Variants in UNC5D observed in about 807,000 individuals in gnomAD.
UNC5D encodes netrin receptor UNC5D.
A neutral mutation model predicts 105.4 loss-of-function variants in UNC5D; 39 were observed. The observed-to-expected ratio is 0.37, with a 90% CI of 0.29 to 0.48. The LOEUF is 0.48. Ranked by LOEUF, UNC5D falls within the 20% of genes least tolerant of loss-of-function variation. UNC5D has a pLI of 0.98. For missense variants in UNC5D, 991 were observed against 1,202.4 expected, an observed-to-expected ratio of 0.82 and a Z score of 2.60; for synonymous variants, 452 against 450.4, an observed-to-expected ratio of 1.00 and a Z score of -0.04.
intron 1 of UNC5D, among the ~76,000 whole-genome samples, chr8:35,400,742 C>G (rs926507721): frequency 6.6e-6 from 1 of 152,198 alleles, no homozygotes; most frequent in Admixed American, 6.5e-5. Flanking sequence ...CCACCACATT[C>G]AAAATTGGCC....
intron 1 of UNC5D, among the ~76,000 whole-genome samples, chr8:35,471,251 C>T (rs1227651430): frequency 1.3e-5 from 2 of 152,116 alleles, no homozygotes; most frequent in East Asian, 3.9e-4. Flanking sequence ...CAAGTAGTAA[C>T]TATACCAGGA....
At chr8:35,344,012 G>A (rs1811634874) in intron 1 of UNC5D, among the ~76,000 whole-genome samples, 1 of 152,104 alleles carries the variant, frequency 6.6e-6, no homozygotes, top group Non-Finnish European at 1.5e-5. Context: ...AGAGACTGCT[G>A]TGACTAGTGT....
intron 1 of UNC5D, among the ~76,000 whole-genome samples, chr8:35,431,130 G>A (rs1200675115): frequency 6.6e-6 from 1 of 152,116 alleles, no homozygotes; most frequent in Non-Finnish European, 1.5e-5. Flanking sequence ...GATAAACCAG[G>A]AATCTTTATT....
At chr8:35,468,326 G>GC (rs1384806236) in intron 1 of UNC5D, among the ~76,000 whole-genome samples, 1 of 152,118 alleles carries the variant, frequency 6.6e-6, no homozygotes, top group East Asian at 1.9e-4. Context: ...TTCTCTGTTT[G>GC]CCTGCACTCT....
chr8:35,632,182 T>A (rs1426464182), intron 4 of UNC5D, among the ~76,000 whole-genome samples: 3 of 152,232 alleles, frequency 2.0e-5, no homozygotes, highest in Non-Finnish European at 4.4e-5. Context: ...TGGATATGCA[T>A]TCATTTGGGG....
At chr8:35,431,136 T>C (rs766619184) in intron 1 of UNC5D, among the ~76,000 whole-genome samples, 11 of 152,328 alleles carry the variant, frequency 7.2e-5, no homozygotes, top group Non-Finnish European at 1.2e-4. Context: ...CCAGGAATCT[T>C]TATTGACATC....
At chr8:35,633,597 T>A (rs959888142) in intron 4 of UNC5D, among the ~76,000 whole-genome samples, 2 of 151,448 alleles carry the variant, frequency 1.3e-5, no homozygotes, top group African/African-American at 4.9e-5. Flanking sequence ...AAAAAAAATT[T>A]TTTTTAAATT....
chr8:35,443,055 C>T (rs1374775118), intron 1 of UNC5D, among the ~76,000 whole-genome samples: 1 of 151,790 alleles, frequency 6.6e-6, no homozygotes, highest in Non-Finnish European at 1.5e-5. Context: ...ACCAGTAATT[C>T]AGAGAGGAGA....
chr8:35,433,212 A>G (rs1422678777), intron 1 of UNC5D, among the ~76,000 whole-genome samples: 1 of 152,184 alleles, frequency 6.6e-6, no homozygotes, highest in Non-Finnish European at 1.5e-5. Context: ...TAGTTGGATG[A>G]CCTAATGAAA....
At chr8:35,269,342 G>T (rs1006932943) in intron 1 of UNC5D, among the ~76,000 whole-genome samples, 2 of 152,100 alleles carry the variant, frequency 1.3e-5, no homozygotes, top group Admixed American at 1.3e-4. Context: ...TCTGTCTGGG[G>T]TGTGCACTCT....
chr8:35,589,807 C>T (rs767988207), intron 3 of UNC5D, among the ~76,000 whole-genome samples: 1 of 152,076 alleles, frequency 6.6e-6, no homozygotes, highest in East Asian at 1.9e-4. Context: ...TAAGATTCAT[C>T]TATGTTGTAA....
At chr8:35,547,057 G>A (rs1402230940) in intron 1 of UNC5D, among the ~76,000 whole-genome samples, 1 of 150,092 alleles carries the variant, frequency 6.7e-6, no homozygotes, top group East Asian at 2.0e-4. Flanking sequence ...CCCTTAAGCT[G>A]ATGTATTTAA....
chr8:35,533,361 G>C (rs1241016292), intron 1 of UNC5D, among the ~76,000 whole-genome samples: 1 of 151,990 alleles, frequency 6.6e-6, no homozygotes, highest in Non-Finnish European at 1.5e-5. Flanking sequence ...GGCTGCTCGG[G>C]GGTCAGGGGT....
At chr8:35,627,799 C>G (rs2131061435) in intron 4 of UNC5D, among the ~76,000 whole-genome samples, 1 of 152,198 alleles carries the variant, frequency 6.6e-6, no homozygotes, top group African/African-American at 2.4e-5. Context: ...CGTGGTGGCA[C>G]ACACCGAGTC....
chr8:35,365,472 A>G (rs1802058866), intron 1 of UNC5D, among the ~76,000 whole-genome samples: 1 of 151,830 alleles, frequency 6.6e-6, no homozygotes. Context: ...TTTTAAGAAA[A>G]GATTCCAACT....
chr8:35,393,053 C>T (rs1803872189), intron 1 of UNC5D, among the ~76,000 whole-genome samples: 1 of 151,072 alleles, frequency 6.6e-6, no homozygotes, highest in African/African-American at 2.4e-5. Flanking sequence ...GCTAGTTAGT[C>T]CCATGAGGAC....
intron 1 of UNC5D, among the ~76,000 whole-genome samples, chr8:35,473,977 A>T (rs1458218927): frequency 6.6e-6 from 1 of 152,200 alleles, no homozygotes; most frequent in East Asian, 1.9e-4. Flanking sequence ...TGAACTCATA[A>T]GGAACCCACT....
intron 11 of UNC5D, among the ~76,000 whole-genome samples, chr8:35,747,985 A>G (rs78224086): frequency 0.016 from 2,471 of 152,334 alleles, 70 homozygotes; most frequent in African/African-American, 0.057. Flanking sequence ...GTATTTGTTC[A>G]TTGGCAAAAA....
chr8:35,440,385 G>C (rs182491270), intron 1 of UNC5D, among the ~76,000 whole-genome samples: 376 of 151,998 alleles, frequency 2.5e-3, no homozygotes, highest in African/African-American at 8.8e-3. Flanking sequence ...ACTTTTAGCT[G>C]CTTCTCATGA....
Sources: gnomAD v4.1 joint callset for allele counts (sites outside exome capture counted in the v4.1 genomes callset) on GRCh38, gnomAD v4.1.1 for gene constraint, MANE v1.5 for transcripts, NCBI Gene and HGNC (gene_info 2026-07-23, HGNC 2026-07-21) for gene names.